ZMAT4: variants seen among roughly 807,000 people sequenced by gnomAD.
ZMAT4 encodes zinc finger matrin-type protein 4.
In ZMAT4, 17 loss-of-function variants were observed where a neutral mutation model predicts 28.7. The ratio of observed to expected loss-of-function variants is 0.59; its 90% confidence interval spans 0.41 to 0.89. ZMAT4 has a LOEUF of 0.89. ZMAT4 is among the 40% of genes least tolerant of loss of function. ZMAT4 has a pLI of 0.00. For missense variants in ZMAT4, 240 were observed against 283.8 expected (o/e 0.85, Z 1.11); for synonymous variants, 117 against 109.2 (o/e 1.07, Z -0.44).
chr8:40,651,225 C>A lies in ZMAT4; in HGVS notation c.577+23479G>T, dbSNP rs545802067. 1.1e-3 allele frequency among the ~76,000 whole-genome samples: 163 copies of A among 152,078 alleles called. 2 individuals carry two copies. The highest frequency in any genetic ancestry group is 5.2e-3 in the South Asian group (25 of 4,792). On this transcript the variant is annotated intron_variant, in intron 5 of 6. Coordinates refer to ENST00000297737, the MANE Select transcript of ZMAT4 (RefSeq NM_024645.3). Reference sequence around the variant, plus strand: ...CCTTAAGCTGATAAGCAACTTCAGCCAAGTCTCAGGATACAAAATCAATGT... The same window carrying A: ...CCTTAAGCTGATAAGCAACTTCAGCAAAGTCTCAGGATACAAAATCAATGT...
At chr8:40,765,071 TGTTCCTCTTGCCAGCATCCCAAA>T (rs1813094911) in intron 3 of ZMAT4, among the ~76,000 whole-genome samples, 1 of 152,154 alleles carries the variant, frequency 6.6e-6, no homozygotes, top group Non-Finnish European at 1.5e-5. Flanking sequence ...TGGCCTTAAG[TGTTCCTCTTGCCAGCATCCCAAA>T]GTTCCGGGTT....
chr8:40,665,992 C>G (rs1808398617), intron 5 of ZMAT4, among the ~76,000 whole-genome samples: 1 of 152,164 alleles, frequency 6.6e-6, no homozygotes, highest in Non-Finnish European at 1.5e-5. Context: ...ATAGAATAGT[C>G]TCGTTTCCTC....
intron 3 of ZMAT4, among the ~76,000 whole-genome samples, chr8:40,734,647 A>T (rs184515785): frequency 6.6e-6 from 1 of 152,088 alleles, no homozygotes. Flanking sequence ...TGTTCTCCCA[A>T]CTCTCTGTAG....
chr8:40,715,212 T>G (rs929119255), intron 3 of ZMAT4, among the ~76,000 whole-genome samples: 1 of 151,988 alleles, frequency 6.6e-6, no homozygotes, highest in Non-Finnish European at 1.5e-5. Context: ...GTGAGCAGCA[T>G]GTGCACAGAT....
intron 3 of ZMAT4, among the ~76,000 whole-genome samples, chr8:40,741,166 C>A (rs545193856): frequency 1.3e-5 from 2 of 151,964 alleles, no homozygotes; most frequent in African/African-American, 4.8e-5. Flanking sequence ...AGACATTGGC[C>A]GGGCATGGTG....
intron 4 of ZMAT4, among the ~76,000 whole-genome samples, chr8:40,681,646 T>C (rs994333859): frequency 1.3e-5 from 2 of 152,216 alleles, no homozygotes; most frequent in Non-Finnish European, 2.9e-5. Flanking sequence ...GGGCCTTTTG[T>C]GTAGATAGTA....
At chr8:40,633,117 G>A (rs1002970778) in intron 5 of ZMAT4, among the ~76,000 whole-genome samples, 2 of 152,052 alleles carry the variant, frequency 1.3e-5, no homozygotes, top group Admixed American at 6.5e-5. Flanking sequence ...GAAGAAATGC[G>A]AAGAAAAAAT....
chr8:40,715,245 G>A (rs1416758773), intron 3 of ZMAT4, among the ~76,000 whole-genome samples: 3 of 152,046 alleles, frequency 2.0e-5, no homozygotes, highest in Non-Finnish European at 2.9e-5. Context: ...CCAGCCAAAC[G>A]AGAGGAGAGG....
At chr8:40,610,011 T>C (rs934434200) in intron 5 of ZMAT4, among the ~76,000 whole-genome samples, 1 of 152,196 alleles carries the variant, frequency 6.6e-6, no homozygotes, top group Non-Finnish European at 1.5e-5. Flanking sequence ...TTACAATTGT[T>C]AGAAGATTAA....
At position 40,801,691 on chromosome 8, in the gene ZMAT4, T is replaced by G. The variant is rs144116337; in HGVS notation, c.102+23884A>C. Among the ~76,000 whole-genome samples, 432 of 151,992 alleles carry G rather than the reference T, an allele frequency of 2.8e-3. 2 individuals are homozygous for G. The highest frequency in any genetic ancestry group is 9.6e-3 in the African/African-American group (399 of 41,466). On this transcript the variant is annotated intron_variant, in intron 2 of 6. Coordinates refer to ENST00000297737, the MANE Select transcript of ZMAT4 (RefSeq NM_024645.3). The stretch of plus-strand genomic sequence containing the variant: ...GTCTTAAAAAAATAATAATAACAAT[T>G]TCAATAATTCCATAAGCTGCTTTTT...
At chr8:40,770,896 C>A (rs1813362962) in intron 2 of ZMAT4, among the ~76,000 whole-genome samples, 1 of 152,098 alleles carries the variant, frequency 6.6e-6, no homozygotes, top group African/African-American at 2.4e-5. Context: ...TCCTCTCTAC[C>A]CTGTACCTAC....
At chr8:40,742,407 ATT>A (rs1812049235) in intron 3 of ZMAT4, among the ~76,000 whole-genome samples, 1 of 150,860 alleles carries the variant, frequency 6.6e-6, no homozygotes, top group Non-Finnish European at 1.5e-5. Flanking sequence ...ATATATATAT[ATT>A]TGCAGATATA....
intron 2 of ZMAT4, among the ~76,000 whole-genome samples, chr8:40,788,361 G>C (rs1014215286): frequency 6.6e-6 from 1 of 152,170 alleles, no homozygotes; most frequent in Non-Finnish European, 1.5e-5. Flanking sequence ...GGGGCAGGCG[G>C]ATCACGAGGT....
At chr8:40,536,060 T>A (rs1802837506) in intron 6 of ZMAT4, among the ~76,000 whole-genome samples, 1 of 152,228 alleles carries the variant, frequency 6.6e-6, no homozygotes, top group Non-Finnish European at 1.5e-5. Context: ...GCCTGAGAAC[T>A]GAATGACATC....
chr8:40,653,673 AG>A (rs1272463798), intron 5 of ZMAT4, among the ~76,000 whole-genome samples: 4 of 152,270 alleles, frequency 2.6e-5, no homozygotes, highest in Admixed American at 2.0e-4. Context: ...TACTTAAAAC[AG>A]ATAAATTCAT....
chr8:40,686,607 A>G (rs1394823025), intron 4 of ZMAT4, among the ~76,000 whole-genome samples: 1 of 152,290 alleles, frequency 6.6e-6, no homozygotes, highest in African/African-American at 2.4e-5. Flanking sequence ...CAGCTTGGGC[A>G]ACAGAGTGAG....
intron 5 of ZMAT4, among the ~76,000 whole-genome samples, chr8:40,643,551 A>T (rs1807150883): frequency 6.6e-6 from 1 of 152,154 alleles, no homozygotes; most frequent in Admixed American, 6.6e-5. Flanking sequence ...GATGAAACAA[A>T]GATACAAGGT....
intron 5 of ZMAT4, among the ~76,000 whole-genome samples, chr8:40,593,253 G>T (rs1457815284): frequency 6.6e-6 from 1 of 152,112 alleles, no homozygotes; most frequent in Non-Finnish European, 1.5e-5. Context: ...CTTCCTTTAT[G>T]CCTGAAGTGG....
chr8:40,713,113 G>T (rs1810698388), intron 3 of ZMAT4, among the ~76,000 whole-genome samples: 1 of 151,936 alleles, frequency 6.6e-6, no homozygotes, highest in Admixed American at 6.6e-5. Context: ...CTACAGAAAG[G>T]CACAAGTTAA....
Sources: gnomAD v4.1 joint callset for allele counts (sites outside exome capture counted in the v4.1 genomes callset) on GRCh38, gnomAD v4.1.1 for gene constraint, MANE v1.5 for transcripts, NCBI Gene and HGNC (gene_info 2026-07-23, HGNC 2026-07-21) for gene names.